AP3B2: variants seen among roughly 807,000 people sequenced by gnomAD.
AP3B2 encodes AP-3 complex subunit beta-2.
Under a neutral mutation model 126.9 loss-of-function variants are expected in AP3B2, and 50 were observed. The ratio of observed to expected loss-of-function variants is 0.39; its 90% CI spans 0.31 to 0.50. The LOEUF is 0.50. AP3B2 is among the 20% of genes least tolerant of loss of function. The probability of loss-of-function intolerance (pLI) is 0.79; values close to 1 mark genes in which losing one functional copy is unlikely to be tolerated. For missense variants in AP3B2, 1,177 were observed against 1,426.4 expected, an observed-to-expected ratio of 0.83 and a Z score of 2.82; for synonymous variants, 541 against 565.0, an observed-to-expected ratio of 0.96 and a Z score of 0.60.
At chr15:82,701,947 T>C (rs762319074) in intron 1 of AP3B2, among the ~76,000 whole-genome samples, 1 of 152,206 alleles carries the variant, frequency 6.6e-6, no homozygotes, top group African/African-American at 2.4e-5. Flanking sequence ...TTAATGGGCA[T>C]TGAAACTACT....
In AP3B2 at chr15:82,689,454, C is replaced by G; in HGVS notation, c.114-1G>C. On this transcript the variant is annotated splice_acceptor_variant, in intron 1 of 26. Transcript: ENST00000535359. LOFTEE classifies it high-confidence loss of function. ...CAGCATCTCCTTCAGGTCATCATGC[C>G]TGGTGGGAGGTACAAGAAGTCAGCT... 6.2e-7 allele frequency: 1 copy of G among 1,613,152 alleles called. No individual in the cohort carries two copies. The highest frequency in any genetic ancestry group is 8.5e-7 in the Non-Finnish European group (1 of 1,179,616).
At chr15:82,703,549 T>C (rs1370711180) in intron 1 of AP3B2, among the ~76,000 whole-genome samples, 2 of 152,128 alleles carry the variant, frequency 1.3e-5, no homozygotes, top group Non-Finnish European at 2.9e-5. Context: ...AAAACCTAAA[T>C]GCCTTATTTT....
At chr15:82,676,822 T>C (rs1357442530) in intron 13 of AP3B2, among the ~76,000 whole-genome samples, 185 bp from the exon 14 acceptor site, 1 of 152,160 alleles carries the variant, frequency 6.6e-6, no homozygotes, top group Non-Finnish European at 1.5e-5. Context: ...CTAGACAGCA[T>C]TTCCCCTCTT....
In AP3B2 at chr15:82,702,767, G is replaced by A. The variant is rs146652033; in HGVS notation, c.113+6827C>T. Among the ~76,000 whole-genome samples, 24 of 152,258 alleles carry A rather than the reference G, an allele frequency of 1.6e-4. No individual in the cohort carries two copies. In the East Asian group the frequency reaches 3.9e-3, roughly 24 times the overall value. Reference sequence around the variant, plus strand: ...TGTTGGGTGGTCTCTTCACATGGACGTGCGTGAAATTTGGTGCCATGACTC... The same window carrying A: ...TGTTGGGTGGTCTCTTCACATGGACATGCGTGAAATTTGGTGCCATGACTC... On this transcript the variant is annotated intron_variant, in intron 1 of 26. Coordinates refer to ENST00000535359, the MANE Select transcript of AP3B2 (RefSeq NM_001278512.2).
At chr15:82,660,125 G>C (rs1341097523) in intron 25 of AP3B2, 142 bp from the exon 26 acceptor site, 10 of 1,129,940 alleles carry the variant, frequency 8.9e-6, no homozygotes, top group Admixed American at 4.4e-5. Flanking sequence ...CATCAGTCTT[G>C]GGGAGAAGGT....
intron 10 of AP3B2, 130 bp downstream of exon 10, chr15:82,679,598 TG>T: frequency 1.2e-6 from 1 of 808,834 alleles, no homozygotes; most frequent in Non-Finnish European, 2.0e-6. Context: ...CAGCTCCAGC[TG>T]GGGCAGTCAT....
Position 82,665,602 on chromosome 15 carries a change from G to C in AP3B2, c.1853-27C>G. The C allele has an allele frequency of 1.3e-6, 2 of 1,563,232 alleles. No individual in the cohort carries two copies. The highest frequency in any genetic ancestry group is 1.7e-5 in the Admixed American group (1 of 59,270). Reference sequence around the variant, plus strand: ...TAGGGATAGGTTTAGAGGTCAGGCAGGTAGCAGCAGTGAGGGAAAGCTCTG... The same window carrying C: ...TAGGGATAGGTTTAGAGGTCAGGCACGTAGCAGCAGTGAGGGAAAGCTCTG... On this transcript the variant is annotated intron_variant, in intron 15 of 26. Transcript: ENST00000535359. The surrounding 1 kb of genome is among the most constrained non-coding windows in gnomAD (Gnocchi z 4.4).
chr15:82,678,972 C>G (rs1390288490), intron 10 of AP3B2, among the ~76,000 whole-genome samples: 2 of 152,136 alleles, frequency 1.3e-5, no homozygotes, highest in African/African-American at 2.4e-5. Context: ...GAGGTATGGG[C>G]TCCCGCCACT....
chr15:82,702,955 C>CCTCT (rs1425203781), intron 1 of AP3B2, among the ~76,000 whole-genome samples: 1 of 152,084 alleles, frequency 6.6e-6, no homozygotes, highest in African/African-American at 2.4e-5. Flanking sequence ...TCTTCTCCAA[C>CCTCT]CTCTCTCACT....
In AP3B2 at chr15:82,692,444, A is replaced by G. The variant is rs2048555190; in HGVS notation, c.114-2991T>C. On this transcript the variant is annotated intron_variant, in intron 1 of 26. Transcript: ENST00000535359. Reference sequence around the variant, plus strand: ...CGCTCAGCCGCACTGCACTGTGGGAACGAGAAGCAATTGTGGTACTTTTGA... The same window carrying G: ...CGCTCAGCCGCACTGCACTGTGGGAGCGAGAAGCAATTGTGGTACTTTTGA... 1.1e-5 allele frequency: 4 copies of G among 357,850 alleles called. No homozygotes were observed. The East Asian group carries it at 2.5e-4, about 23-fold the overall frequency. The allele number at this position is 357,850 out of a possible 1,614,324, so 22.2% of individuals were successfully genotyped here. A position where few individuals can be genotyped will look rare whatever the true frequency, so the allele number is the denominator to read the frequency against.
At chr15:82,697,940 A>C (rs546992547) in intron 1 of AP3B2, 5 of 152,502 alleles carry the variant, frequency 3.3e-5, no homozygotes, top group African/African-American at 1.2e-4. Flanking sequence ...TCATAGGTAC[A>C]GACCATTGAG....
At chr15:82,692,320 G>T in intron 1 of AP3B2, 1 of 590,796 alleles carries the variant, frequency 1.7e-6, no homozygotes, top group Non-Finnish European at 2.9e-6. Flanking sequence ...ACGTTGGAAG[G>T]CTCACCACGC....
At chr15:82,685,365 T>G (rs2048409596) in intron 4 of AP3B2, 1 of 152,180 alleles carries the variant, frequency 6.6e-6, no homozygotes, top group Non-Finnish European at 1.5e-5. Context: ...TGCAATACAA[T>G]GAGGTGTGCC....
At chr15:82,687,289 C>G (rs1300845092) in intron 4 of AP3B2, 2 of 152,162 alleles carry the variant, frequency 1.3e-5, no homozygotes, top group Non-Finnish European at 2.9e-5. Context: ...TGCATTTGCA[C>G]CATAAGGGCA....
chr15:82,709,842 G>A lies in AP3B2; in HGVS notation c.-136C>T, dbSNP rs1023634104. The A allele has an allele frequency of 5.1e-6, 3 of 586,990 alleles. No individual in the cohort carries two copies. The highest frequency in any genetic ancestry group is 2.0e-5 in the African/African-American group (1 of 50,928). The allele number at this position is 586,990 out of a possible 1,614,324, so 36.4% of individuals were successfully genotyped here. ...CGGCAGGGGTTCAGCAGAGGCTGCA[G>A]TGTGCAGCGGCGGAGGCTGCGCGCG... On this transcript the variant is annotated 5_prime_UTR_variant, in exon 1 of 27. Transcript: ENST00000535359.
rs761335989 is a variant in AP3B2, at chr15:82,664,526, T to C, written c.2138-36A>G. On this transcript the variant is annotated intron_variant, in intron 18 of 26. Coordinates refer to ENST00000535359, the MANE Select transcript of AP3B2 (RefSeq NM_001278512.2). This position sits in a 1 kb window ranked among gnomAD's most constrained non-coding sequence, Gnocchi z 4.5. ...ACAATATGAGGCCTCCTCCCTCATA[T>C]GCAGGCCTCCTTGGGTCTGGAGCAG... 1 of 1,593,936 alleles carries C rather than the reference T, an allele frequency of 6.3e-7. No homozygotes were observed. The highest frequency in any genetic ancestry group is 8.5e-7 in the Non-Finnish European group (1 of 1,170,554).
chr15:82,678,242 C>A lies in AP3B2; in HGVS notation c.1183-75G>T, dbSNP rs149275898. The stretch of plus-strand genomic sequence containing the variant: ...TTTCTGTGCTTTCATTCCAAATACA[C>A]TTCATAGACCAGAAAACAATCCTCA... On this transcript the variant is annotated intron_variant, in intron 10 of 26. Transcript: ENST00000535359. 8.1e-6 allele frequency: 11 copies of A among 1,361,960 alleles called. No homozygotes were observed. The East Asian group carries it at 2.5e-4, about 32-fold the overall frequency. The allele number at this position is 1,361,960 out of a possible 1,614,324, so 84.4% of individuals were successfully genotyped here. A position where few individuals can be genotyped will look rare whatever the true frequency, so the allele number is the denominator to read the frequency against.
In AP3B2 at chr15:82,659,835, G is replaced by T; in HGVS notation, c.3155+10C>A. ...TGCTCATCATTTCCCCTCTACTGGT[G>T]GCCTAGTACCTGTACTCATCAGATG... On this transcript the variant is annotated intron_variant, in intron 26 of 26. Coordinates refer to ENST00000535359, the MANE Select transcript of AP3B2 (RefSeq NM_001278512.2). The T allele has an allele frequency of 5.6e-6, 9 of 1,613,528 alleles. No individual in the cohort carries two copies. The highest frequency in any genetic ancestry group is 7.6e-6 in the Non-Finnish European group (9 of 1,179,546).
At chr15:82,675,213 G>A (rs1567262655) in intron 14 of AP3B2, among the ~76,000 whole-genome samples, 1 of 152,156 alleles carries the variant, frequency 6.6e-6, no homozygotes, top group Non-Finnish European at 1.5e-5. Flanking sequence ...AACAAGCTCA[G>A]GGTCACATGG....
Sources: allele counts gnomAD v4.1 joint callset (sites outside exome capture counted in the v4.1 genomes callset), GRCh38; gene constraint gnomAD v4.1.1; non-coding constraint Gnocchi (gnomAD v3.1); transcripts MANE v1.5; gene names NCBI Gene and HGNC (gene_info 2026-07-23, HGNC 2026-07-21).